The following AGBL3 variants were observed in gnomAD, a reference collection of about 807,000 sequenced individuals.
The protein encoded by AGBL3 is cytosolic carboxypeptidase 3.
A neutral mutation model predicts 94.5 loss-of-function variants in AGBL3; 68 were observed. The ratio of observed to expected loss-of-function variants is 0.72; its 90% CI spans 0.59 to 0.88. The LOEUF (loss-of-function observed/expected upper bound fraction) is 0.88. Among genes scored for constraint, AGBL3 ranks in the 40% least tolerant of loss-of-function variants. The pLI is 0.00. For synonymous variants in AGBL3, 354 were observed against 370.7 expected, an observed-to-expected ratio of 0.95 and a Z score of 0.52; for missense variants, 934 against 1,103.8, an observed-to-expected ratio of 0.85 and a Z score of 2.18.
At chr7:135,032,463 CCTGG>C (rs1376347121) in intron 5 of AGBL3, among the ~76,000 whole-genome samples, 1 of 146,854 alleles carries the variant, frequency 6.8e-6, no homozygotes, top group Non-Finnish European at 1.5e-5. Context: ...TGCCACCACA[CCTGG>C]CTAATTTTTT....
chr7:135,063,234 TTCTC>T (rs1349733946), intron 12 of AGBL3, among the ~76,000 whole-genome samples: 2 of 151,974 alleles, frequency 1.3e-5, no homozygotes, highest in South Asian at 2.1e-4. Context: ...TATCTGAGTC[TTCTC>T]TCTCTCTCTT....
chr7:135,132,617 G>A (rs1828930765), intron 16 of AGBL3, among the ~76,000 whole-genome samples: 1 of 152,146 alleles, frequency 6.6e-6, no homozygotes, highest in African/African-American at 2.4e-5. Context: ...GCAGGGTCAG[G>A]TGGAGATAAT....
In AGBL3 at chr7:135,034,296, C is replaced by T; in HGVS notation, c.705C>T (p.Tyr235=). 2.6e-6 allele frequency: 4 copies of T among 1,551,756 alleles called. No homozygotes were observed. Among genetic ancestry groups the T allele is most frequent in the Non-Finnish European group, 3.5e-6 (4 of 1,146,988 alleles). The stretch of plus-strand genomic sequence containing the variant: ...ACTTCACCAAACCTGCTAGTCTTTA[C>T]AGTCGGGGTATGCGCCCACTGTTCT... ...IVNFTKPASL[Y]SRGMRPLFYS... Residue 235 remains tyrosine (Y), a synonymous_variant, in exon 7 of 17, where the codon TAC becomes TAT. Transcript: ENST00000436302.
intron 15 of AGBL3, among the ~76,000 whole-genome samples, chr7:135,110,663 G>A (rs998281101): frequency 1.7e-4 from 26 of 152,288 alleles, no homozygotes; most frequent in Middle Eastern, 6.8e-3. Context: ...CATGGGTCAA[G>A]TTGTTTTCTT....
chr7:135,000,926 G>A (rs962759626), intron 4 of AGBL3, among the ~76,000 whole-genome samples: 1 of 152,142 alleles, frequency 6.6e-6, no homozygotes, highest in Non-Finnish European at 1.5e-5. Context: ...GATTAAAGGT[G>A]TACTCTATTT....
chr7:135,094,081 A>G (rs1585068859), intron 15 of AGBL3: 1 of 280,882 alleles, frequency 3.6e-6, no homozygotes, highest in East Asian at 1.0e-4. Context: ...TCCTTATACC[A>G]TACACTAAAA....
At chr7:135,014,184 A>G (rs1217385808) in intron 4 of AGBL3, among the ~76,000 whole-genome samples, 1 of 139,946 alleles carries the variant, frequency 7.1e-6, no homozygotes, top group Non-Finnish European at 1.5e-5. Context: ...AAACAGAGCG[A>G]GACTCTGTCT....
At position 135,135,398 on chromosome 7, in the gene AGBL3, T is replaced by A. The variant is rs1829302813; in HGVS notation, c.*137T>A. ...ACATGCATATGCATAAACTAAAAAT[T>A]TTAGATATCCCATCTTCTGTAGTGG... is the stretch of plus-strand genomic sequence containing the variant. On this transcript the variant is annotated 3_prime_UTR_variant, in exon 17 of 17. Transcript: ENST00000436302. 1 of 604,794 alleles carries A rather than the reference T, an allele frequency of 1.7e-6. No individual in the cohort carries two copies. Among genetic ancestry groups the A allele is most frequent in the Non-Finnish European group, 2.5e-6 (1 of 401,584 alleles). The allele number at this position is 604,794 out of a possible 1,614,324, so 37.5% of individuals were successfully genotyped here.
At chr7:135,123,707 C>T (rs1396047565) in intron 16 of AGBL3, among the ~76,000 whole-genome samples, 2 of 152,130 alleles carry the variant, frequency 1.3e-5, no homozygotes, top group Non-Finnish European at 2.9e-5. Flanking sequence ...AGCAGAAACT[C>T]TACAAGCCAG....
intron 16 of AGBL3, among the ~76,000 whole-genome samples, chr7:135,117,710 G>T (rs1826524331): frequency 6.6e-6 from 1 of 152,208 alleles, no homozygotes; most frequent in Non-Finnish European, 1.5e-5. Flanking sequence ...GAAAGGATTT[G>T]CTTGCTGCTT....
chr7:135,006,394 C>A (rs776615209), intron 4 of AGBL3, among the ~76,000 whole-genome samples: 30 of 151,792 alleles, frequency 2.0e-4, no homozygotes, highest in Non-Finnish European at 3.2e-4. Context: ...AAGGAAGGAA[C>A]AAAGTTAGAA....
chr7:134,997,101 A>C (rs1811104468), intron 4 of AGBL3, among the ~76,000 whole-genome samples: 1 of 152,210 alleles, frequency 6.6e-6, no homozygotes, highest in Non-Finnish European at 1.5e-5. Flanking sequence ...TTTTGGGATG[A>C]AACTGTTCCA....
In AGBL3 at chr7:135,021,386, G is replaced by A. The variant is rs529090664; in HGVS notation, c.418+4227G>A. The stretch of plus-strand genomic sequence containing the variant: ...GGCTCACTGCAAGCTCCACCTCCCA[G>A]GTTCATGCCATTCTCCTGCCTCAGC... On this transcript the variant is annotated intron_variant, in intron 5 of 16. Coordinates refer to ENST00000436302, the MANE Select transcript of AGBL3 (RefSeq NM_178563.4). Among the ~76,000 whole-genome samples the A allele has an allele frequency of 2.0e-3, 302 of 151,402 alleles. 1 individual carries two copies. Among genetic ancestry groups the A allele is most frequent in the African/African-American group, 6.9e-3 (286 of 41,306 alleles).
At chr7:135,073,798 C>A (rs1011928614) in intron 12 of AGBL3, among the ~76,000 whole-genome samples, 1 of 152,052 alleles carries the variant, frequency 6.6e-6, no homozygotes, top group African/African-American at 2.4e-5. Flanking sequence ...CTTCACAGTG[C>A]CTTTTTTATG....
At chr7:135,083,973 G>C (rs1300574120) in intron 15 of AGBL3, among the ~76,000 whole-genome samples, 2 of 152,148 alleles carry the variant, frequency 1.3e-5, no homozygotes, top group Non-Finnish European at 2.9e-5. Flanking sequence ...ACCACTATGG[G>C]GGCCACAGTG....
intron 12 of AGBL3, among the ~76,000 whole-genome samples, chr7:135,073,471 AAAATAAAT>A (rs138457438): frequency 0.028 from 3,538 of 126,112 alleles, 89 homozygotes; most frequent in African/African-American, 0.063. Context: ...ACTCCGTCTC[AAAATAAAT>A]AAATAAATAA....
chr7:135,115,805 C>T, intron 16 of AGBL3, 194 bp downstream of exon 16: 1 of 514,544 alleles, frequency 1.9e-6, no homozygotes, highest in Non-Finnish European at 3.4e-6. Context: ...GTTATCAGGC[C>T]TTATTTAATT....
At chr7:135,104,745 G>A (rs929634522) in intron 15 of AGBL3, among the ~76,000 whole-genome samples, 3 of 149,180 alleles carry the variant, frequency 2.0e-5, no homozygotes, top group African/African-American at 7.3e-5. Context: ...AAGTGTTCAT[G>A]TCCTTTGCCC....
intron 13 of AGBL3, among the ~76,000 whole-genome samples, chr7:135,079,632 ATT>A (rs11393217): frequency 7.1e-6 from 1 of 140,510 alleles, no homozygotes; most frequent in African/African-American, 2.7e-5. Context: ...CTCCCCACTA[ATT>A]TTTTTTTTTT....
Sources: gnomAD v4.1 joint callset for allele counts (sites outside exome capture counted in the v4.1 genomes callset) on GRCh38, gnomAD v4.1.1 for gene constraint, MANE v1.5 for transcripts, NCBI Gene and HGNC (gene_info 2026-07-23, HGNC 2026-07-21) for gene names.